ERMP1: variants seen among roughly 807,000 people sequenced by gnomAD.
ERMP1 encodes endoplasmic reticulum metallopeptidase 1, also known as Felix-ina.
ERMP1 carries 86 observed loss-of-function variants against 92.0 expected under a neutral mutation model. The ratio of observed to expected loss-of-function variants is 0.93; its 90% CI spans 0.79 to 1.12. ERMP1 has a LOEUF of 1.12. ERMP1 is among the 50% of genes most tolerant of loss of function. The probability of loss-of-function intolerance (pLI) is 0.00; values close to 1 mark genes in which losing one functional copy is unlikely to be tolerated. For synonymous variants in ERMP1, 530 were observed against 412.8 expected (o/e 1.28, Z -3.44); for missense variants, 1,342 against 1,116.3 (o/e 1.20, Z -2.88).
intron 10 of ERMP1, among the ~76,000 whole-genome samples, chr9:5,801,640 C>T (rs912302982): frequency 6.6e-6 from 1 of 152,154 alleles, no homozygotes; most frequent in Non-Finnish European, 1.5e-5. Flanking sequence ...GCGAAAAGAA[C>T]AGAAATGTAG....
intron 11 of ERMP1, 64 bp from the exon 12 acceptor site, chr9:5,799,072 T>A (rs1028350263): frequency 3.1e-5 from 36 of 1,153,174 alleles, no homozygotes; most frequent in Non-Finnish European, 4.0e-5. Context: ...CACCCCAGAT[T>A]ACAAAAATGG....
upstream of ERMP1, among the ~76,000 whole-genome samples, chr9:5,836,896 G>A (rs1830101229): frequency 6.6e-6 from 1 of 152,146 alleles, no homozygotes; most frequent in African/African-American, 2.4e-5. Context: ...GGGCCTTGGA[G>A]CCTAGGGAGA....
In ERMP1 at chr9:5,787,161, C is replaced by T. The variant is rs759046818; in HGVS notation, c.2698G>A (p.Asp900Asn). Reference sequence around the variant, plus strand: ...CCACAAGATTAAAATACAAAGAGATCGTAGGTGCACACCCAGGCAGAGGGA... The same window carrying T: ...CCACAAGATTAAAATACAAAGAGATTGTAGGTGCACACCCAGGCAGAGGGA... ...TFPSAWVCTY[D>N]LFVF is the part of the protein sequence containing the mutation. Residue 900 changes from aspartate to asparagine, a missense_variant, in exon 15 of 15, where the codon GAT becomes AAT. Coordinates refer to ENST00000339450, the MANE Select transcript of ERMP1 (RefSeq NM_024896.3). 6.8e-6 allele frequency: 11 copies of T among 1,613,298 alleles called. No individual in the cohort carries two copies. Among genetic ancestry groups the T allele is most frequent in the African/African-American group, 2.7e-5 (2 of 74,888 alleles).
intron 12 of ERMP1, 129 bp downstream of exon 12, chr9:5,798,677 G>T: frequency 1.3e-5 from 7 of 541,280 alleles, no homozygotes; most frequent in African/African-American, 2.0e-5. Flanking sequence ...GTTTCATAAT[G>T]ATAGAAAAAA....
At chr9:5,801,876 T>G (rs955581603) in intron 10 of ERMP1, among the ~76,000 whole-genome samples, 1 of 152,188 alleles carries the variant, frequency 6.6e-6, no homozygotes, top group Non-Finnish European at 1.5e-5. Flanking sequence ...AATTAACCAA[T>G]GCCAACACAA....
intron 6 of ERMP1, among the ~76,000 whole-genome samples, chr9:5,853,326 C>A (rs565688105): frequency 2.0e-5 from 3 of 152,076 alleles, no homozygotes; most frequent in Non-Finnish European, 4.4e-5. Context: ...TGCTTTCAGC[C>A]CAAAATAATC....
In ERMP1 at chr9:5,808,319, C is replaced by G. The variant is rs542077020; in HGVS notation, c.1548+1692G>C. 3.0e-4 allele frequency among the ~76,000 whole-genome samples: 45 copies of G among 152,330 alleles called. 1 individual carries two copies. In the South Asian group the frequency reaches 9.3e-3, roughly 32 times the overall value. The stretch of plus-strand genomic sequence containing the variant: ...TTCTGCCCCAATCAACAATAGTTAG[C>G]CACACTCTGATTACATACAATTACA... On this transcript the variant is annotated intron_variant, in intron 8 of 14. Coordinates refer to ENST00000339450, the MANE Select transcript of ERMP1 (RefSeq NM_024896.3).
In ERMP1 at chr9:5,797,921, T is replaced by G. The variant is rs1255212645; in HGVS notation, c.2282A>C (p.Tyr761Ser). ...TGGAGAAACTTCTGGGGCAGGAAGA[T>G]ACCAGTTTTTCCTATTTAGAAAGGA... ...PVHFLIRKNW[Y>S]LPAPEVSPRN... The change falls in exon 13 of 15, where the codon TAT becomes TCT. Residue 761 changes from tyrosine (Y) to serine (S), a missense_variant. Coordinates refer to ENST00000339450, the MANE Select transcript of ERMP1 (RefSeq NM_024896.3). The G allele has an allele frequency of 1.9e-6, 3 of 1,608,264 alleles. No homozygotes were observed. Among genetic ancestry groups the G allele is most frequent in the African/African-American group, 1.3e-5 (1 of 74,714 alleles).
chr9:5,842,087 C>T (rs549422280), intron 6 of ERMP1, among the ~76,000 whole-genome samples: 5 of 152,200 alleles, frequency 3.3e-5, no homozygotes, highest in African/African-American at 1.2e-4. Context: ...GAGTGAGCAG[C>T]AGCAAGATTT....
At chr9:5,803,034 AAAAC>A (rs143822704) in intron 10 of ERMP1, among the ~76,000 whole-genome samples, 41,175 of 151,482 alleles carry the variant, frequency 0.27, 6,326 homozygotes, top group East Asian at 0.57. Flanking sequence ...CTCTGTCTCA[AAAAC>A]AAACAAACAA....
intron 11 of ERMP1, 76 bp downstream of exon 11, chr9:5,801,100 T>C: frequency 6.8e-7 from 1 of 1,466,326 alleles, no homozygotes; most frequent in Non-Finnish European, 9.2e-7. Context: ...CAGCTGCGCT[T>C]GCTATTCACT....
At chr9:5,848,821 A>G (rs1830270497) in intron 6 of ERMP1, among the ~76,000 whole-genome samples, 1 of 152,066 alleles carries the variant, frequency 6.6e-6, no homozygotes, top group East Asian at 1.9e-4. Context: ...GTTGAATATC[A>G]CCTTTCTAAA....
chr9:5,819,502 C>T (rs1829449166), intron 4 of ERMP1, among the ~76,000 whole-genome samples: 1 of 152,326 alleles, frequency 6.6e-6, no homozygotes, highest in South Asian at 2.1e-4. Context: ...CCTGTCCAAT[C>T]TCAGACTGGT....
At chr9:5,856,807 G>C (rs976228027) in intron 6 of ERMP1, among the ~76,000 whole-genome samples, 4 of 152,040 alleles carry the variant, frequency 2.6e-5, no homozygotes, top group Admixed American at 2.0e-4. Flanking sequence ...ATATATTGTT[G>C]ATTCACTAAT....
intron 6 of ERMP1, among the ~76,000 whole-genome samples, chr9:5,843,993 C>A (rs1033951355): frequency 6.6e-6 from 1 of 152,130 alleles, no homozygotes; most frequent in Non-Finnish European, 1.5e-5. Context: ...CTGGCCAATA[C>A]CGGCACAGAC....
In ERMP1 at chr9:5,787,601, G is replaced by A; in HGVS notation, c.2387-8C>T. ...AGGACATATGGCTTGGTCCTGTAAG[G>A]TAAAAGGAAGAAAGAACAGTTAATC... On this transcript the variant is annotated splice_polypyrimidine_tract_variant and splice_region_variant and intron_variant, in intron 13 of 14. Transcript: ENST00000339450. The A allele has an allele frequency of 1.3e-6, 2 of 1,599,678 alleles. No individual in the cohort carries two copies. Among genetic ancestry groups the A allele is most frequent in the Non-Finnish European group, 1.7e-6 (2 of 1,175,806 alleles).
chr9:5,798,775 C>G, intron 12 of ERMP1, 31 bp downstream of exon 12: 1 of 1,480,376 alleles, frequency 6.8e-7, no homozygotes, highest in Non-Finnish European at 9.4e-7. Flanking sequence ...TGAGAACAAA[C>G]TAACCTTAAG....
intron 6 of ERMP1, among the ~76,000 whole-genome samples, chr9:5,839,062 G>A (rs1286424248): frequency 1.3e-5 from 2 of 152,166 alleles, no homozygotes; most frequent in Non-Finnish European, 2.9e-5. Flanking sequence ...CCTTAGGAAG[G>A]CAGTTTATAA....
intron 6 of ERMP1, among the ~76,000 whole-genome samples, chr9:5,857,681 G>T (rs1405329892): frequency 6.6e-6 from 1 of 152,154 alleles, no homozygotes; most frequent in Admixed American, 6.5e-5. Context: ...GGGTAAGCAA[G>T]GGTGGACAGT....
Sources: gnomAD v4.1 joint callset for allele counts (sites outside exome capture counted in the v4.1 genomes callset) on GRCh38, gnomAD v4.1.1 for gene constraint, MANE v1.5 for transcripts, NCBI Gene and HGNC (gene_info 2026-07-23, HGNC 2026-07-21) for gene names.